INPP5A: variants seen among roughly 807,000 people sequenced by gnomAD.
INPP5A encodes the protein inositol polyphosphate-5-phosphatase A.
A neutral mutation model predicts 65.2 loss-of-function variants in INPP5A; 14 were observed. That is an observed-to-expected ratio of 0.21 (90% confidence interval 0.14 to 0.34). The LOEUF (loss-of-function observed/expected upper bound fraction) is 0.34. Among genes scored for constraint, INPP5A ranks in the 10% least tolerant of loss-of-function variants. INPP5A has a pLI of 1.00. For synonymous variants in INPP5A, 207 were observed against 208.3 expected (o/e 0.99, Z 0.05); for missense variants, 431 against 545.6 (o/e 0.79, Z 2.09).
intron 1 of INPP5A, among the ~76,000 whole-genome samples, chr10:132,577,177 G>A (rs1216316641): frequency 6.6e-6 from 1 of 152,234 alleles, no homozygotes; most frequent in Non-Finnish European, 1.5e-5. Flanking sequence ...AGAGAAGCTG[G>A]AAGGCAAAGA....
Position 132,627,145 on chromosome 10 carries a change from C to T in INPP5A, c.118-18723C>T, listed in dbSNP as rs2072195442. Among the ~76,000 whole-genome samples, 2 of 152,186 alleles carry T rather than the reference C, an allele frequency of 1.3e-5. No homozygotes were observed. The highest frequency in any genetic ancestry group is 4.1e-4 in the South Asian group (2 of 4,832). On this transcript the variant is annotated intron_variant, in intron 2 of 15. Transcript: ENST00000368594. This position sits in a 1 kb window ranked among gnomAD's most constrained non-coding sequence, Gnocchi z 6.6. ...GGCAGCTCTGTGAGCCAGGAAGGAC[C>T]CTCACCAGGAACCAAACCGGCCGGC...
intron 1 of INPP5A, among the ~76,000 whole-genome samples, chr10:132,606,931 T>C (rs896079325): frequency 1.3e-5 from 2 of 152,240 alleles, no homozygotes; most frequent in Non-Finnish European, 2.9e-5. Context: ...TGCACGGATC[T>C]CTAGAACTTG....
At chr10:132,688,811 TGA>T (rs1255113485) in intron 4 of INPP5A, among the ~76,000 whole-genome samples, 7 of 33,792 alleles carry the variant, frequency 2.1e-4, no homozygotes, top group Admixed American at 3.5e-4. Flanking sequence ...TGCACCAGTG[TGA>T]GTGCATGACT....
chr10:132,703,511 A>G (rs879484613), intron 6 of INPP5A, among the ~76,000 whole-genome samples: 1 of 132,628 alleles, frequency 7.5e-6, no homozygotes, highest in Non-Finnish European at 1.6e-5. Flanking sequence ...TCACCCACAC[A>G]CACACACACA....
intron 1 of INPP5A, among the ~76,000 whole-genome samples, chr10:132,586,830 G>A (rs890806977): frequency 3.9e-5 from 6 of 152,170 alleles, no homozygotes; most frequent in Admixed American, 3.3e-4. Flanking sequence ...AGGAGGCGGC[G>A]CAGCGCGGCG....
At chr10:132,717,014 A>T (rs1005454548) in intron 8 of INPP5A, among the ~76,000 whole-genome samples, 1 of 152,204 alleles carries the variant, frequency 6.6e-6, no homozygotes, top group Non-Finnish European at 1.5e-5. Flanking sequence ...CCCAGCCCCA[A>T]GGCTGAGGTC....
intron 11 of INPP5A, among the ~76,000 whole-genome samples, chr10:132,761,528 G>T (rs900358099): frequency 6.6e-6 from 1 of 151,916 alleles, no homozygotes; most frequent in Non-Finnish European, 1.5e-5. Context: ...GGAGCCTGGG[G>T]GTGCCACGAG....
intron 11 of INPP5A, among the ~76,000 whole-genome samples, chr10:132,755,887 C>T (rs1442687958): frequency 6.6e-6 from 1 of 152,154 alleles, no homozygotes; most frequent in Non-Finnish European, 1.5e-5. Context: ...AAGCCATCCC[C>T]TGCAGTCCAG....
At chr10:132,594,594 G>A (rs1197531428) in intron 1 of INPP5A, among the ~76,000 whole-genome samples, 1 of 152,180 alleles carries the variant, frequency 6.6e-6, no homozygotes, top group Non-Finnish European at 1.5e-5. Flanking sequence ...TGTGTGGTAT[G>A]TGAGTGTGTG....
intron 12 of INPP5A, among the ~76,000 whole-genome samples, chr10:132,777,166 G>C (rs527621660): frequency 2.6e-5 from 4 of 152,212 alleles, no homozygotes; most frequent in Admixed American, 2.6e-4. Flanking sequence ...GCAGTGACCC[G>C]GGGCCACAGC....
At chr10:132,679,563 T>C (rs2073016045) in intron 4 of INPP5A, among the ~76,000 whole-genome samples, 1 of 151,286 alleles carries the variant, frequency 6.6e-6, no homozygotes, top group Non-Finnish European at 1.5e-5. Flanking sequence ...GAGGAGGAGA[T>C]CCAGGGAAGG....
chr10:132,752,269 G>A (rs1846499668), intron 11 of INPP5A, among the ~76,000 whole-genome samples: 1 of 152,014 alleles, frequency 6.6e-6, no homozygotes, highest in Non-Finnish European at 1.5e-5. Flanking sequence ...AAAAGTGGAG[G>A]GTCCCTTGGA....
chr10:132,721,495 G>T (rs151280118), intron 8 of INPP5A, among the ~76,000 whole-genome samples: 4 of 151,082 alleles, frequency 2.6e-5, no homozygotes, highest in Non-Finnish European at 5.9e-5. Context: ...GGGTTCTGTG[G>T]TGCCTGGGTT....
rs918961943 is a variant in INPP5A, at chr10:132,547,506, G to A, written c.75+9335G>A. 6.6e-6 allele frequency among the ~76,000 whole-genome samples: 1 copy of A among 152,152 alleles called. No individual in the cohort carries two copies. The highest frequency in any genetic ancestry group is 2.4e-5 in the African/African-American group (1 of 41,442). On this transcript the variant is annotated intron_variant, in intron 1 of 15. Transcript: ENST00000368594. The surrounding 1 kb of genome is among the most constrained non-coding windows in gnomAD (Gnocchi z 5.5). ...GCTGCCGTGGTGAATATAACCGGGA[G>A]GGAGTGCCCGCCTCTGCCCACCTGC...
intron 7 of INPP5A, among the ~76,000 whole-genome samples, chr10:132,708,839 G>A (rs759953731): frequency 1.9e-4 from 29 of 152,188 alleles, no homozygotes; most frequent in Non-Finnish European, 3.1e-4. Context: ...TCTCGATAGC[G>A]CCGCCCCACC....
At chr10:132,574,742 G>C (rs1335048580) in intron 1 of INPP5A, among the ~76,000 whole-genome samples, 4 of 150,054 alleles carry the variant, frequency 2.7e-5, no homozygotes, top group African/African-American at 4.9e-5. Flanking sequence ...CCAGGCTGGA[G>C]TGCAGTCGTG....
chr10:132,781,695 G>C (rs1369699217), intron 14 of INPP5A, among the ~76,000 whole-genome samples, 166 bp from the exon 15 acceptor site: 1 of 152,190 alleles, frequency 6.6e-6, no homozygotes, highest in Non-Finnish European at 1.5e-5. Flanking sequence ...CGCTGCCGTG[G>C]CTGTGCACAA....
At chr10:132,758,520 C>T (rs576415752) in intron 11 of INPP5A, among the ~76,000 whole-genome samples, 201 of 118,234 alleles carry the variant, frequency 1.7e-3, no homozygotes, top group African/African-American at 5.5e-3. Flanking sequence ...GCCGACCCCA[C>T]AGCCCAGTGC....
intron 9 of INPP5A, among the ~76,000 whole-genome samples, chr10:132,738,242 G>A (rs973119105): frequency 2.6e-5 from 4 of 152,214 alleles, no homozygotes; most frequent in African/African-American, 4.8e-5. Flanking sequence ...CAGGTCTCTC[G>A]TGCCAAGGCA....
Sources: allele counts gnomAD v4.1 joint callset (sites outside exome capture counted in the v4.1 genomes callset), GRCh38; gene constraint gnomAD v4.1.1; non-coding constraint Gnocchi (gnomAD v3.1); transcripts MANE v1.5; gene names NCBI Gene and HGNC (gene_info 2026-07-23, HGNC 2026-07-21).